Variants in RIPOR3 observed in about 807,000 individuals in gnomAD.
RIPOR3 encodes RIPOR family member 3.
In RIPOR3, 95 loss-of-function variants were observed where a neutral mutation model predicts 114.3. That is an observed-to-expected ratio of 0.83 (90% confidence interval 0.70 to 0.99). The LOEUF (loss-of-function observed/expected upper bound fraction) is 0.99. Among genes scored for constraint, RIPOR3 ranks in the 50% least tolerant of loss-of-function variants. The pLI is 0.00. For missense variants in RIPOR3, 1,252 were observed against 1,266.9 expected (o/e 0.99, Z 0.18); for synonymous variants, 575 against 543.8 (o/e 1.06, Z -0.80).
intron 2 of RIPOR3, among the ~76,000 whole-genome samples, chr20:50,622,070 G>A (rs1349004519): frequency 3.9e-5 from 6 of 152,130 alleles, no homozygotes; most frequent in Admixed American, 2.0e-4. Flanking sequence ...TCTGCTCTTA[G>A]CCCTCTAAAG....
chr20:50,658,354 C>T (rs1435426906), intron 1 of RIPOR3, among the ~76,000 whole-genome samples: 1 of 152,154 alleles, frequency 6.6e-6, no homozygotes, highest in Non-Finnish European at 1.5e-5. Context: ...CACACAAGGA[C>T]AAGTGATGTA....
At position 50,596,227 on chromosome 20, in the gene RIPOR3, T is replaced by G. The variant is rs2083283773; in HGVS notation, c.1827A>C (p.Lys609Asn). 11 of 1,614,182 alleles carry G rather than the reference T, an allele frequency of 6.8e-6. No homozygotes were observed. Among genetic ancestry groups the G allele is most frequent in the Non-Finnish European group, 8.5e-6 (10 of 1,180,034 alleles). Residue 609 changes from lysine to asparagine, a missense_variant, in exon 15 of 22, where the codon AAA becomes AAC. By Grantham distance (94) the Lys-to-Asn change is moderately conservative. Transcript: ENST00000327979. ...CGGCTGTGAGTTCCCTGGATGACGC[T>G]TTCAGTGATGACGGTGGGGGCAGGG... ...DRPLPPPSSLKASSRELTAGA... is the reference protein window; with the variant it reads ...DRPLPPPSSLNASSRELTAGA...
chr20:50,657,866 G>A (rs948055503), intron 1 of RIPOR3, among the ~76,000 whole-genome samples: 7 of 147,712 alleles, frequency 4.7e-5, no homozygotes, highest in Non-Finnish European at 1.0e-4. Flanking sequence ...GGATCTTTCT[G>A]CATCAGCCTC....
chr20:50,598,743 A>C (rs2083390199), intron 13 of RIPOR3, among the ~76,000 whole-genome samples: 1 of 151,996 alleles, frequency 6.6e-6, no homozygotes, highest in East Asian at 1.9e-4. Context: ...CATCTCTACT[A>C]AAAATACAAA....
At position 50,595,505 on chromosome 20, in the gene RIPOR3, C is replaced by G. The variant is rs2083257008; in HGVS notation, c.1915-1G>C. On this transcript the variant is annotated splice_acceptor_variant, in intron 15 of 21. Transcript: ENST00000327979. LOFTEE classifies it high-confidence loss of function. Reference sequence around the variant, plus strand: ...TTGATAAATTAGGGGAGGCCAGTTTCTGGGAAGCAGCCCAGATGCTCCAGA... The same window carrying G: ...TTGATAAATTAGGGGAGGCCAGTTTGTGGGAAGCAGCCCAGATGCTCCAGA... The G allele has an allele frequency of 1.1e-5, 18 of 1,613,842 alleles. No homozygotes were observed. The highest frequency in any genetic ancestry group is 1.5e-5 in the Non-Finnish European group (18 of 1,179,912).
rs1219109460 is a variant in RIPOR3 at position 50,597,305 on chromosome 20, G to T, written c.1790+275C>A. The T allele has an allele frequency of 9.3e-6, 4 of 431,668 alleles. No individual in the cohort carries two copies. In the East Asian group the frequency reaches 1.7e-4, roughly 18 times the overall value. The allele number at this position is 431,668 out of a possible 1,614,324, so 26.7% of individuals were successfully genotyped here. Reference sequence around the variant, plus strand: ...CTATATACTTGGTGATTATTTTTAAGGTTTAAAAAATAATACTAAAAGCTG... The same window carrying T: ...CTATATACTTGGTGATTATTTTTAATGTTTAAAAAATAATACTAAAAGCTG... On this transcript the variant is annotated intron_variant, in intron 14 of 21. Coordinates refer to ENST00000327979, the MANE Select transcript of RIPOR3 (RefSeq NM_001290268.2).
intron 1 of RIPOR3, among the ~76,000 whole-genome samples, chr20:50,679,135 A>AATATATATAT (rs1568964701): frequency 0.099 from 2,051 of 20,614 alleles, 114 homozygotes; most frequent in Non-Finnish European, 0.11. Flanking sequence ...AAAAAAAAAA[A>AATATATATAT]ATATATATAT....
In RIPOR3 at chr20:50,604,669, G is replaced by A. The variant is rs373533947; in HGVS notation, c.1062C>T (p.Pro354=). Residue 354 remains proline, a synonymous_variant, in exon 12 of 22, where the codon CCC becomes CCT. Coordinates refer to ENST00000327979, the MANE Select transcript of RIPOR3 (RefSeq NM_001290268.2). ...CCAGGTAGTATCTCTCCCGGAAGCT[G>A]GGGGTGCTCGGGGGTGTCCAGTTGT... ...SLYNWTPPST[P]SFRERYYLSV... 119 of 1,607,094 alleles carry A rather than the reference G, an allele frequency of 7.4e-5. No individual in the cohort carries two copies. Among genetic ancestry groups the A allele is most frequent in the Non-Finnish European group, 9.2e-5 (108 of 1,177,464 alleles).
chr20:50,652,727 A>G (rs778545319), intron 1 of RIPOR3, among the ~76,000 whole-genome samples: 1 of 152,222 alleles, frequency 6.6e-6, no homozygotes, highest in African/African-American at 2.4e-5. Context: ...ATGCAGCTCA[A>G]ATCCCTGGGG....
intron 1 of RIPOR3, among the ~76,000 whole-genome samples, chr20:50,682,694 A>G (rs2086897568): frequency 6.6e-6 from 1 of 151,078 alleles, no homozygotes; most frequent in Non-Finnish European, 1.5e-5. Flanking sequence ...GTAAAAGTAA[A>G]TGATATATTA....
In RIPOR3 at chr20:50,620,063, C is replaced by T; in HGVS notation, c.192G>A (p.Leu64=). The change falls in exon 3 of 22, where the codon CTG becomes CTA. Residue 64 remains leucine (L), a synonymous_variant. Coordinates refer to ENST00000327979, the MANE Select transcript of RIPOR3 (RefSeq NM_001290268.2). ...GGTCTGCACAGACCGACCCCTTCCG[C>T]AGCGTGCCGTACATCTTGGAGGATT... The part of the protein sequence containing the change: ...PAKSSKMYGT[L]RKGSVCADPK... 1 of 1,614,206 alleles carries T rather than the reference C, an allele frequency of 6.2e-7. No homozygotes were observed. The highest frequency in any genetic ancestry group is 1.6e-4 in the Middle Eastern group (1 of 6,062).
chr20:50,686,748 TAAA>T (rs11470692), intron 1 of RIPOR3, among the ~76,000 whole-genome samples: 20,496 of 142,028 alleles, frequency 0.14, 1,459 homozygotes, highest in East Asian at 0.23. Context: ...GAGACTCTGT[TAAA>T]AAAAAAAAAA....
intron 19 of RIPOR3, 168 bp from the exon 20 acceptor site, chr20:50,589,937 C>G: frequency 1.6e-6 from 1 of 620,656 alleles, no homozygotes; most frequent in Non-Finnish European, 3.0e-6. Context: ...TACACAGTCA[C>G]AAGATCTATA....
chr20:50,629,086 G>A (rs937913964), intron 2 of RIPOR3, among the ~76,000 whole-genome samples: 8 of 152,288 alleles, frequency 5.3e-5, no homozygotes, highest in Middle Eastern at 3.4e-3. Flanking sequence ...GAGCTCCAGC[G>A]GGAGGACACA....
At chr20:50,682,458 G>T (rs6012996) in intron 1 of RIPOR3, among the ~76,000 whole-genome samples, 97 of 152,102 alleles carry the variant, frequency 6.4e-4, no homozygotes, top group African/African-American at 2.2e-3. Context: ...CTACAAAAAC[G>T]TAGCCAAGTG....
Position 50,616,041 on chromosome 20 carries a change from C to A in RIPOR3, c.309G>T (p.Leu103=), listed in dbSNP as rs1325385347. ...TCCTGGTGTCTTTGTGGCGTCCAGA[C>A]AGGTGGTCCAGCTCAGCCTGCTGCA... ...LCVQQAELDH[L]SGRHKDTRRN... is the part of the protein sequence containing the mutation. Residue 103 remains leucine, a synonymous_variant, in exon 4 of 22, where the codon CTG becomes CTT. Transcript: ENST00000327979. 6.2e-7 allele frequency: 1 copy of A among 1,611,832 alleles called. No homozygotes were observed. Among genetic ancestry groups the A allele is most frequent in the Admixed American group, 1.7e-5 (1 of 59,704 alleles).
intron 20 of RIPOR3, 98 bp downstream of exon 20, chr20:50,589,588 G>A (rs191488647): frequency 4.6e-6 from 6 of 1,296,818 alleles, no homozygotes; most frequent in Admixed American, 4.0e-5. Context: ...GAGCCATCAC[G>A]CCCAGCCCCA....
intron 7 of RIPOR3, 60 bp from the exon 8 acceptor site, chr20:50,609,416 A>G (rs73615305): frequency 0.51 from 804,251 of 1,582,064 alleles, 211,336 homozygotes; most frequent in East Asian, 0.64. Context: ...AGGGCCTCTA[A>G]CCATCCCTGC....
chr20:50,589,084 G>GAAAAAAAA (rs529410533), intron 20 of RIPOR3, among the ~76,000 whole-genome samples: 17 of 89,538 alleles, frequency 1.9e-4, no homozygotes, highest in African/African-American at 4.6e-4. Context: ...TCCATCTCAA[G>GAAAAAAAA]AAAAAAAAAA....
Sources: gnomAD v4.1 joint callset for allele counts (sites outside exome capture counted in the v4.1 genomes callset) on GRCh38, gnomAD v4.1.1 for gene constraint, MANE v1.5 for transcripts, NCBI Gene and HGNC (gene_info 2026-07-23, HGNC 2026-07-21) for gene names.